The following SYTL5 variants were observed in gnomAD, a reference collection of about 807,000 sequenced individuals.
The protein encoded by SYTL5 is synaptotagmin-like protein 5.
SYTL5 carries 34 observed loss-of-function variants against 55.9 expected under a neutral mutation model. The observed-to-expected ratio is 0.61, with a 90% CI of 0.46 to 0.81. The LOEUF (loss-of-function observed/expected upper bound fraction) is 0.81. Ranked by LOEUF, SYTL5 falls within the 30% of genes least tolerant of loss-of-function variation. The pLI is 0.00. For missense variants in SYTL5, 637 were observed against 546.7 expected (o/e 1.17, Z -1.65); for synonymous variants, 221 against 188.7 (o/e 1.17, Z -1.40).
chrX:38,052,471 C>G (rs1358501356), intron 2 of SYTL5, among the ~76,000 whole-genome samples: 1 of 111,861 alleles, frequency 8.9e-6, no homozygotes, highest in African/African-American at 3.3e-5. Context: ...AAACTTTGCT[C>G]TACAGTTTGA....
chrX:37,983,891 T>C, the SYTL5 span, among the ~76,000 whole-genome samples: 4 of 111,626 alleles, frequency 3.6e-5, no homozygotes, highest in Non-Finnish European at 5.7e-5. Flanking sequence ...TAAAAAACAA[T>C]GGGTGGAAGA....
chrX:37,947,592 G>T, the SYTL5 span, among the ~76,000 whole-genome samples: 1 of 111,785 alleles, frequency 8.9e-6, no homozygotes, highest in Non-Finnish European at 1.9e-5. Context: ...CTTCTTTATA[G>T]CAGTGTGAAA....
chrX:38,039,489 C>T (rs2147230245), intron 2 of SYTL5, among the ~76,000 whole-genome samples: 1 of 112,034 alleles, frequency 8.9e-6, no homozygotes, highest in African/African-American at 3.2e-5. Context: ...GTACGTGGGT[C>T]ATAATATCTA....
chrX:38,110,587 A>C, intron 13 of SYTL5, 105 bp downstream of exon 13: 1 of 670,094 alleles, frequency 1.5e-6, no homozygotes, highest in Non-Finnish European at 2.1e-6. Context: ...TTCAAGTGAT[A>C]ATCTGCAAAA....
At chrX:38,106,855 G>A (rs1937231361) in intron 11 of SYTL5, 84 bp downstream of exon 11, 1 of 817,675 alleles carries the variant, frequency 1.2e-6, no homozygotes, top group Non-Finnish European at 1.7e-6. Context: ...AAGAGTCTTA[G>A]CATTCTTCTT....
intron 8 of SYTL5, 131 bp from the exon 9 acceptor site, chrX:38,096,003 G>A (rs1400807462): frequency 2.7e-6 from 1 of 368,402 alleles, no homozygotes; most frequent in Non-Finnish European, 4.7e-6. Context: ...TCCGACTGTT[G>A]CTTTCATGGC....
At chrX:37,915,743 T>C in the SYTL5 span, among the ~76,000 whole-genome samples, 3 of 111,221 alleles carry the variant, frequency 2.7e-5, no homozygotes, top group African/African-American at 6.6e-5. Context: ...CATAAGGATG[T>C]CATTTTTTTT....
At chrX:37,976,510 A>G in the SYTL5 span, among the ~76,000 whole-genome samples, 1 of 112,079 alleles carries the variant, frequency 8.9e-6, no homozygotes, top group South Asian at 3.7e-4. Flanking sequence ...ATCTCACTCC[A>G]TGACGATGAA....
chrX:37,925,716 A>T, the SYTL5 span, among the ~76,000 whole-genome samples: 1 of 110,767 alleles, frequency 9.0e-6, no homozygotes, highest in Non-Finnish European at 1.9e-5. Flanking sequence ...GCCAAGCAGT[A>T]TGCACTGAAC....
the SYTL5 span, among the ~76,000 whole-genome samples, chrX:37,922,107 C>T: frequency 8.9e-6 from 1 of 112,294 alleles, no homozygotes; most frequent in East Asian, 2.8e-4. Context: ...CTCTCCCTCT[C>T]CCTACTACTT....
At chrX:38,113,977 G>T (rs1937423781) in intron 13 of SYTL5, among the ~76,000 whole-genome samples, 1 of 111,322 alleles carries the variant, frequency 9.0e-6, no homozygotes, top group Admixed American at 9.5e-5. Context: ...ACCCCTATGG[G>T]ACTTAACAAC....
chrX:37,947,823 T>C, the SYTL5 span, among the ~76,000 whole-genome samples: 2 of 111,927 alleles, frequency 1.8e-5, no homozygotes, highest in African/African-American at 6.5e-5. Context: ...TAAGTGAGGC[T>C]AATAATAGCC....
chrX:37,898,397 C>G, the SYTL5 span, among the ~76,000 whole-genome samples: 36 of 111,935 alleles, frequency 3.2e-4, 1 homozygote, highest in South Asian at 0.011. Flanking sequence ...TTCTAGTTGC[C>G]AAATTTCAGG....
At chrX:38,107,445 G>A (rs770874496) in intron 11 of SYTL5, among the ~76,000 whole-genome samples, 2 of 111,815 alleles carry the variant, frequency 1.8e-5, no homozygotes, top group South Asian at 7.6e-4. Flanking sequence ...GTGAAATGTT[G>A]TCTGCCAAGG....
At chrX:38,040,669 T>TA (rs1935258878) in intron 2 of SYTL5, among the ~76,000 whole-genome samples, 1 of 112,053 alleles carries the variant, frequency 8.9e-6, no homozygotes, top group Admixed American at 9.5e-5. Flanking sequence ...CACTCTTTTT[T>TA]ATGGCTGAAT....
chrX:37,902,360 T>C, the SYTL5 span, among the ~76,000 whole-genome samples: 1 of 112,057 alleles, frequency 8.9e-6, no homozygotes, highest in Non-Finnish European at 1.9e-5. Flanking sequence ...ATGTTTAATA[T>C]CTACTGAGGT....
chrX:38,074,876 C>G (rs1936348169), intron 5 of SYTL5, among the ~76,000 whole-genome samples: 1 of 108,000 alleles, frequency 9.3e-6, no homozygotes, highest in African/African-American at 3.4e-5. Context: ...CTTTGCACCA[C>G]CAATCATATT....
the SYTL5 span, among the ~76,000 whole-genome samples, chrX:37,960,143 A>G: frequency 1.8e-5 from 2 of 111,155 alleles, no homozygotes; most frequent in Admixed American, 1.9e-4. Flanking sequence ...CTGAGCCTGT[A>G]ATGGGAGGGG....
intron 5 of SYTL5, among the ~76,000 whole-genome samples, chrX:38,075,609 C>T (rs1165668236): frequency 9.0e-6 from 1 of 111,407 alleles, no homozygotes; most frequent in Non-Finnish European, 1.9e-5. Context: ...GTTCTCAGAG[C>T]AGCATACCTT....
Sources: allele counts gnomAD v4.1 joint callset (sites outside exome capture counted in the v4.1 genomes callset), GRCh38; gene constraint gnomAD v4.1.1; transcripts MANE v1.5; gene names NCBI Gene and HGNC (gene_info 2026-07-23, HGNC 2026-07-21).